Variants in GOPC observed in about 807,000 individuals in gnomAD.
The protein encoded by GOPC is golgi associated PDZ and coiled-coil motif containing.
GOPC carries 32 observed loss-of-function variants against 51.2 expected under a neutral mutation model. The ratio of observed to expected loss-of-function variants is 0.63; its 90% CI spans 0.47 to 0.84. The LOEUF (loss-of-function observed/expected upper bound fraction) is 0.84, where lower values mean the gene tolerates loss of function less well. Among genes scored for constraint, GOPC ranks in the 40% least tolerant of loss-of-function variants. The pLI is 0.00. For missense variants in GOPC, 441 were observed against 555.5 expected, an observed-to-expected ratio of 0.79 and a Z score of 2.07; for synonymous variants, 190 against 205.1, an observed-to-expected ratio of 0.93 and a Z score of 0.63.
chr6:117,560,635 CGTCT>C lies in GOPC; in HGVS notation c.*2615_*2618del. On this transcript the variant is annotated 3_prime_UTR_variant, in exon 9 of 9. Transcript: ENST00000368498. ...TAATTATCAAGACTCACAAAATTTT[CGTCT>C]TTCTCAAATTTATTTTAACAATAGT... The C allele has an allele frequency of 5.1e-6, 1 of 195,226 alleles. No individual in the cohort carries two copies. Among genetic ancestry groups the C allele is most frequent in the Non-Finnish European group, 1.1e-5 (1 of 93,494 alleles). 12.1% of individuals were successfully genotyped at this position (195,226 alleles called of 1,614,324 possible).
At chr6:117,597,917 T>C (rs1780224267) in intron 1 of GOPC, among the ~76,000 whole-genome samples, 1 of 151,080 alleles carries the variant, frequency 6.6e-6, no homozygotes, top group Non-Finnish European at 1.5e-5. Context: ...AAAAGTGGTA[T>C]ATATACACAA....
rs558180255 is a variant in GOPC at position 117,602,277 on chromosome 6, G to A, written c.12C>T (p.Gly4=). The A allele has an allele frequency of 6.3e-7, 1 of 1,587,418 alleles. No homozygotes were observed. The highest frequency in any genetic ancestry group is 1.1e-5 in the South Asian group (1 of 90,226). MSA[G]GPCPAAAGGG... is the part of the protein sequence containing the mutation. ...CTCCGGCTGCTGCTGGGCATGGACC[G>A]CCCGCCGACATGGCGCCGTCAAGGG... The change falls in exon 1 of 9, where the codon GGC becomes GGT. Residue 4 remains glycine (G), a synonymous_variant. Coordinates refer to ENST00000368498, the MANE Select transcript of GOPC (RefSeq NM_020399.4).
chr6:117,598,819 A>G (rs1031600482), intron 1 of GOPC, among the ~76,000 whole-genome samples: 1 of 152,166 alleles, frequency 6.6e-6, no homozygotes, highest in African/African-American at 2.4e-5. Context: ...TAAGAGGAAA[A>G]AGTTCTAGTA....
At chr6:117,597,249 T>G (rs1286919319) in intron 1 of GOPC, among the ~76,000 whole-genome samples, 1 of 152,224 alleles carries the variant, frequency 6.6e-6, no homozygotes, top group African/African-American at 2.4e-5. Context: ...TCCTGAAATT[T>G]TGCTGAATTC....
At position 117,602,093 on chromosome 6, in the gene GOPC, C is replaced by T. The variant is rs754699887; in HGVS notation, c.196G>A (p.Gly66Arg). The T allele has an allele frequency of 6.2e-7, 1 of 1,614,184 alleles. No homozygotes were observed. Among genetic ancestry groups the T allele is most frequent in the Non-Finnish European group, 8.5e-7 (1 of 1,180,026 alleles). Reference protein sequence around the residue: ...DPDQADITYEGRQKMTSLSSC... With the variant: ...DPDQADITYERRQKMTSLSSC... ...CTCAGGCTGGTCATCTTCTGTCGCC[C>T]CTCATAAGTGATGTCCGCTTGGTCT... Residue 66 changes from glycine to arginine, a missense_variant, in exon 1 of 9, where the codon GGG becomes AGG. Transcript: ENST00000368498.
At chr6:117,587,862 G>A (rs1780056370) in intron 1 of GOPC, among the ~76,000 whole-genome samples, 1 of 151,464 alleles carries the variant, frequency 6.6e-6, no homozygotes, top group Non-Finnish European at 1.5e-5. Context: ...TTTTGTCACT[G>A]TTGATGTTTT....
rs906429877 is a variant in GOPC at position 117,561,528 on chromosome 6, T to C, written c.*1726A>G. The C allele has an allele frequency of 2.3e-5, 5 of 214,388 alleles. No homozygotes were observed. Among genetic ancestry groups the C allele is most frequent in the African/African-American group, 6.8e-5 (3 of 44,310 alleles). The allele number at this position is 214,388 out of a possible 1,614,324, so 13.3% of individuals were successfully genotyped here. ...GCTAAAATCCAGTTTGCAGATCTCA[T>C]GTCATGCATGGAAGGTATGTGTTTG... is the stretch of plus-strand genomic sequence containing the variant. On this transcript the variant is annotated 3_prime_UTR_variant, in exon 9 of 9. Transcript: ENST00000368498.
rs748928966 is a variant in GOPC, at chr6:117,567,217, C to T, written c.1078-183G>A. ...TGAGGCCATCATGTCTGATCAGCCT[C>T]GTGAATCCTCTCTACAGTTCCTTTA... On this transcript the variant is annotated intron_variant, in intron 7 of 8. Coordinates refer to ENST00000368498, the MANE Select transcript of GOPC (RefSeq NM_020399.4). 4.6e-5 allele frequency among the ~76,000 whole-genome samples: 7 copies of T among 152,134 alleles called. No homozygotes were observed. The South Asian group carries it at 8.3e-4, about 18-fold the overall frequency.
At position 117,561,178 on chromosome 6, in the gene GOPC, C is replaced by G. The variant is rs567438230; in HGVS notation, c.*2076G>C. On this transcript the variant is annotated 3_prime_UTR_variant, in exon 9 of 9. Transcript: ENST00000368498. ...CCTGGAAACTTTTCATTCTATTTATCAGTCCTTAAAAGGAATTTATATCAT... is the reference window on the plus strand; with the variant it reads ...CCTGGAAACTTTTCATTCTATTTATGAGTCCTTAAAAGGAATTTATATCAT... 309 of 223,884 alleles carry G rather than the reference C, an allele frequency of 1.4e-3. No individual in the cohort carries two copies. The highest frequency in any genetic ancestry group is 6.6e-3 in the African/African-American group (296 of 44,908). The allele number at this position is 223,884 out of a possible 1,614,324, so 13.9% of individuals were successfully genotyped here. A position where few individuals can be genotyped will look rare whatever the true frequency, so the allele number is the denominator to read the frequency against.
chr6:117,570,552 A>G (rs1273363228), intron 6 of GOPC, among the ~76,000 whole-genome samples: 1 of 152,154 alleles, frequency 6.6e-6, no homozygotes, highest in African/African-American at 2.4e-5. Context: ...GCCATTTAAC[A>G]TAGAAGAAAA....
Position 117,602,449 on chromosome 6 carries a change from G to T in GOPC, c.-161C>A. On this transcript the variant is annotated 5_prime_UTR_variant, in exon 1 of 9. It adds an upstream start codon to the 5' untranslated region. Coordinates refer to ENST00000368498, the MANE Select transcript of GOPC (RefSeq NM_020399.4). ...CCAGCAGCACAGTCACAGAACCGCA[G>T]GAGTAACGAGGCTGAAGCTGAGGCG... 1 of 670,204 alleles carries T rather than the reference G, an allele frequency of 1.5e-6. No individual in the cohort carries two copies. Among genetic ancestry groups the T allele is most frequent in the South Asian group, 1.9e-5 (1 of 51,638 alleles). The allele number at this position is 670,204 out of a possible 1,614,324, so 41.5% of individuals were successfully genotyped here.
intron 8 of GOPC, among the ~76,000 whole-genome samples, chr6:117,566,445 A>C (rs1456566333): frequency 1.3e-5 from 2 of 152,208 alleles, no homozygotes; most frequent in Non-Finnish European, 2.9e-5. Flanking sequence ...TAGCAATCAT[A>C]AGGTGACAGT....
At chr6:117,578,178 C>A (rs1457648432) in intron 2 of GOPC, among the ~76,000 whole-genome samples, 2 of 152,040 alleles carry the variant, frequency 1.3e-5, no homozygotes, top group African/African-American at 4.8e-5. Context: ...TACCCAATTC[C>A]ATTTCTTACT....
chr6:117,578,475 T>C (rs2114614373), intron 2 of GOPC, among the ~76,000 whole-genome samples: 1 of 152,190 alleles, frequency 6.6e-6, no homozygotes, highest in South Asian at 2.1e-4. Context: ...ATCTCTAATA[T>C]TTGTGGAGCT....
rs146511587 is a variant in GOPC, at chr6:117,561,989, C to T, written c.*1265G>A. ...ATTCTAAAAGCCTTGTAGGCTTTCTCCCACTTAATATTCCTTTAACTGTAC... is the reference window on the plus strand; with the variant it reads ...ATTCTAAAAGCCTTGTAGGCTTTCTTCCACTTAATATTCCTTTAACTGTAC... On this transcript the variant is annotated 3_prime_UTR_variant, in exon 9 of 9. Coordinates refer to ENST00000368498, the MANE Select transcript of GOPC (RefSeq NM_020399.4). 265 of 207,048 alleles carry T rather than the reference C, an allele frequency of 1.3e-3. No individual in the cohort carries two copies. The highest frequency in any genetic ancestry group is 1.8e-3 in the Non-Finnish European group (184 of 101,090). The allele number at this position is 207,048 out of a possible 1,614,324, so 12.8% of individuals were successfully genotyped here.
At chr6:117,595,074 A>C (rs1487627199) in intron 1 of GOPC, among the ~76,000 whole-genome samples, 1 of 152,144 alleles carries the variant, frequency 6.6e-6, no homozygotes, top group Non-Finnish European at 1.5e-5. Flanking sequence ...GTGCTCTGGC[A>C]CCTGAGTTAC....
intron 3 of GOPC, among the ~76,000 whole-genome samples, chr6:117,576,585 A>AC (rs1779883654): frequency 1.3e-5 from 2 of 152,202 alleles, no homozygotes; most frequent in Admixed American, 1.3e-4. Context: ...ACCTACTTTC[A>AC]ATTACTTTAA....
chr6:117,573,632 C>T lies in GOPC; in HGVS notation c.651G>A (p.Arg217=). The T allele has an allele frequency of 6.2e-7, 1 of 1,605,130 alleles. No individual in the cohort carries two copies. The highest frequency in any genetic ancestry group is 8.5e-7 in the Non-Finnish European group (1 of 1,175,420). ...AKYLDKELAG[R]VQQIQLLGRD... ...GTCCTAGCAATTGTATCTGTTGGAC[C>T]CTTCATATTGGGAAAAGAGTACATT... Residue 217 remains arginine, a splice_region_variant and synonymous_variant, in exon 5 of 9, where the codon AGG becomes AGA. Transcript: ENST00000368498.
chr6:117,568,654 G>A (rs1779746314), intron 7 of GOPC, among the ~76,000 whole-genome samples: 1 of 152,170 alleles, frequency 6.6e-6, no homozygotes, highest in South Asian at 2.1e-4. Flanking sequence ...CTTCAGCAAA[G>A]TTTTAGATGA....
Sources: gnomAD v4.1 joint callset for allele counts (sites outside exome capture counted in the v4.1 genomes callset) on GRCh38, gnomAD v4.1.1 for gene constraint, MANE v1.5 for transcripts, NCBI Gene and HGNC (gene_info 2026-07-23, HGNC 2026-07-21) for gene names.